SLIT1: variants seen among roughly 807,000 people sequenced by gnomAD.
SLIT1 encodes slit homolog 1 protein.
In SLIT1, 66 loss-of-function variants were observed where a neutral mutation model predicts 186.1. The ratio of observed to expected loss-of-function variants is 0.35; its 90% CI spans 0.29 to 0.44. The LOEUF (loss-of-function observed/expected upper bound fraction) is 0.44. Among genes scored for constraint, SLIT1 ranks in the 20% least tolerant of loss-of-function variants. SLIT1 has a pLI of 1.00. For synonymous variants in SLIT1, 761 were observed against 833.8 expected, an observed-to-expected ratio of 0.91 and a Z score of 1.50; for missense variants, 1,638 against 2,037.4, an observed-to-expected ratio of 0.80 and a Z score of 3.77.
At chr10:97,014,758 C>T (rs562046145) in intron 28 of SLIT1, among the ~76,000 whole-genome samples, 2 of 151,850 alleles carry the variant, frequency 1.3e-5, no homozygotes, top group East Asian at 3.9e-4. Context: ...CCCAACTACT[C>T]GGGAGGCTGA....
chr10:97,021,509 A>C lies in SLIT1; in HGVS notation c.2583-96T>G, dbSNP rs1848501962. The C allele has an allele frequency of 1.7e-6, 2 of 1,157,488 alleles. No individual in the cohort carries two copies. Among genetic ancestry groups the C allele is most frequent in the Non-Finnish European group, 2.4e-6 (2 of 824,566 alleles). The allele number at this position is 1,157,488 out of a possible 1,614,324, so 71.7% of individuals were successfully genotyped here. ...CCCAGGCACTGCACCAGGGGCTGGC[A>C]AAAATCTTAGCCTCCATTTCATGAG... is the stretch of plus-strand genomic sequence containing the variant. On this transcript the variant is annotated intron_variant, in intron 25 of 36. Transcript: ENST00000266058. The surrounding 1 kb of genome is among the most constrained non-coding windows in gnomAD (Gnocchi z 4.5).
chr10:96,998,766 T>TG lies in SLIT1; in HGVS notation c.*2345dup, dbSNP rs1165382122. 2 of 152,292 alleles carry TG rather than the reference T, an allele frequency of 1.3e-5. No homozygotes were observed. Among genetic ancestry groups the TG allele is most frequent in the African/African-American group, 4.8e-5 (2 of 41,444 alleles). The allele number at this position is 152,292 out of a possible 1,614,324, so 9.4% of individuals were successfully genotyped here. A position where few individuals can be genotyped will look rare whatever the true frequency, so the allele number is the denominator to read the frequency against. On this transcript the variant is annotated 3_prime_UTR_variant, in exon 37 of 37. Transcript: ENST00000266058. Reference sequence around the variant, plus strand: ...TGTGCTAGGAGGCTGGGCCATGTGGTGGGGCCGGTCAGGGGAGCCTTAAGC... The same window carrying TG: ...TGTGCTAGGAGGCTGGGCCATGTGGTGGGGGCCGGTCAGGGGAGCCTTAAGC...
chr10:97,056,446 C>T lies in SLIT1; in HGVS notation c.1176G>A (p.Lys392=), dbSNP rs1848837142. The change falls in exon 13 of 37, where the codon AAG becomes AAA. Residue 392 remains lysine (K), a synonymous_variant. Coordinates refer to ENST00000266058, the MANE Select transcript of SLIT1 (RefSeq NM_003061.3). ...TLQLLLLNAN[K]INCIRPDAFQ... ...AGGCATCGGGCCGGATGCAGTTGAT[C>T]TTGTTGGCATTCAGGAGCCTGTGGG... The T allele has an allele frequency of 5.0e-6, 8 of 1,614,158 alleles. No homozygotes were observed. Among genetic ancestry groups the T allele is most frequent in the Non-Finnish European group, 6.8e-6 (8 of 1,180,000 alleles).
intron 11 of SLIT1, chr10:97,058,149 C>CAGCCAGCATCAGGAAGCCACTG (rs1848858732): frequency 1.5e-6 from 1 of 686,188 alleles, no homozygotes; most frequent in African/African-American, 1.8e-5. Flanking sequence ...GGTCTTTACC[C>CAGCCAGCATCAGGAAGCCACTG]AGCCAGCATC....
At chr10:97,047,131 G>T in intron 16 of SLIT1, 66 bp from the exon 17 acceptor site, 1 of 1,076,078 alleles carries the variant, frequency 9.3e-7, no homozygotes, top group Non-Finnish European at 1.4e-6. Flanking sequence ...CTTCCAAACT[G>T]AGAATATTTG....
At chr10:97,105,670 G>C (rs902859417) in intron 4 of SLIT1, among the ~76,000 whole-genome samples, 1 of 152,234 alleles carries the variant, frequency 6.6e-6, no homozygotes, top group Non-Finnish European at 1.5e-5. Context: ...ACCAGATGTG[G>C]ATAAATCACA....
chr10:97,098,922 G>T (rs1849320095), intron 4 of SLIT1, among the ~76,000 whole-genome samples: 1 of 152,152 alleles, frequency 6.6e-6, no homozygotes, highest in South Asian at 2.1e-4. Flanking sequence ...CTCACCAAGT[G>T]GCCCTGGACA....
At chr10:97,160,446 G>A (rs1850010852) in intron 3 of SLIT1, among the ~76,000 whole-genome samples, 1 of 152,180 alleles carries the variant, frequency 6.6e-6, no homozygotes, top group Non-Finnish European at 1.5e-5. Flanking sequence ...AGGGGTGGGT[G>A]TCATTTTAAA....
chr10:97,093,783 C>G (rs1849257913), intron 4 of SLIT1, among the ~76,000 whole-genome samples: 1 of 152,232 alleles, frequency 6.6e-6, no homozygotes, highest in Non-Finnish European at 1.5e-5. Flanking sequence ...ACCAGCAGAG[C>G]TAGCAGTACC....
At chr10:97,128,478 C>T (rs1849623902) in intron 4 of SLIT1, among the ~76,000 whole-genome samples, 1 of 152,226 alleles carries the variant, frequency 6.6e-6, no homozygotes, top group Admixed American at 6.5e-5. Flanking sequence ...ACCCCACCAG[C>T]TCACTCCCAC....
At chr10:97,058,768 C>A (rs1375611333) in intron 11 of SLIT1, among the ~76,000 whole-genome samples, 1 of 152,200 alleles carries the variant, frequency 6.6e-6, no homozygotes. Context: ...CCTAGAGTAA[C>A]AAATGGCCCC....
intron 1 of SLIT1, among the ~76,000 whole-genome samples, chr10:97,176,545 T>C (rs776306349): frequency 3.3e-5 from 5 of 152,142 alleles, no homozygotes; most frequent in Non-Finnish European, 5.9e-5. Context: ...CAAACTTCCT[T>C]ACCACCTACT....
intron 1 of SLIT1, among the ~76,000 whole-genome samples, chr10:97,179,796 A>ACCCCCCCCCCCCCCCCCCCCCCCACCC (rs1411663173): frequency 9.7e-6 from 1 of 103,012 alleles, no homozygotes; most frequent in Non-Finnish European, 2.2e-5. Context: ...AATTCTCCAC[A>ACCCCCCCCCCCCCCCCCCCCCCCACCC]CCCTCCCCGC....
At chr10:97,153,287 T>C (rs2134715036) in intron 4 of SLIT1, 1 of 152,338 alleles carries the variant, frequency 6.6e-6, no homozygotes, top group South Asian at 2.1e-4. Context: ...GAATAACCCC[T>C]AACAGGATTT....
chr10:97,041,469 G>A (rs529182145), intron 20 of SLIT1, among the ~76,000 whole-genome samples: 251 of 146,988 alleles, frequency 1.7e-3, no homozygotes, highest in Non-Finnish European at 1.5e-3. Flanking sequence ...TGGGCAAATC[G>A]TTAATTTTTT....
chr10:97,118,872 A>C (rs1849532753), intron 4 of SLIT1, among the ~76,000 whole-genome samples: 2 of 152,246 alleles, frequency 1.3e-5, no homozygotes, highest in Non-Finnish European at 2.9e-5. Context: ...GACGACTGGG[A>C]TATAGTAAGT....
At chr10:97,069,698 G>A (rs1158215503) in intron 4 of SLIT1, among the ~76,000 whole-genome samples, 1 of 152,194 alleles carries the variant, frequency 6.6e-6, no homozygotes, top group African/African-American at 2.4e-5. Context: ...CCAGAGACAG[G>A]AAGGAACAAG....
chr10:97,081,781 C>T (rs1306946083), intron 4 of SLIT1, among the ~76,000 whole-genome samples: 2 of 152,180 alleles, frequency 1.3e-5, no homozygotes, highest in African/African-American at 4.8e-5. Context: ...ACAACAAAAG[C>T]CCAGAGGAGC....
In SLIT1 at chr10:96,999,772, G is replaced by A. The variant is rs1418260783; in HGVS notation, c.*1340C>T. 9 of 152,424 alleles carry A rather than the reference G, an allele frequency of 5.9e-5. No individual in the cohort carries two copies. Among genetic ancestry groups the A allele is most frequent in the African/African-American group, 1.7e-4 (7 of 41,578 alleles). 9.4% of individuals were successfully genotyped at this position (152,424 alleles called of 1,614,324 possible). On this transcript the variant is annotated 3_prime_UTR_variant, in exon 37 of 37. Transcript: ENST00000266058. ...CAGCAACTCCCTGGCCTGGGCCGCT[G>A]TCTGTGGCTGGAGCCCCCACTCAGC...
Sources: allele counts gnomAD v4.1 joint callset (sites outside exome capture counted in the v4.1 genomes callset), GRCh38; gene constraint gnomAD v4.1.1; non-coding constraint Gnocchi (gnomAD v3.1); transcripts MANE v1.5; gene names NCBI Gene and HGNC (gene_info 2026-07-23, HGNC 2026-07-21).